Variants in DCC observed in about 807,000 individuals in gnomAD.
DCC encodes DCC netrin 1 receptor.
Under a neutral mutation model 172.5 loss-of-function variants are expected in DCC, and 58 were observed. The observed-to-expected ratio is 0.34, with a 90% CI of 0.27 to 0.42. The LOEUF (loss-of-function observed/expected upper bound fraction) is 0.42, where lower values mean the gene tolerates loss of function less well. Ranked by LOEUF, DCC falls within the 10% of genes least tolerant of loss-of-function variation. The probability of loss-of-function intolerance (pLI) is 1.00; values close to 1 mark genes in which losing one functional copy is unlikely to be tolerated. For missense variants in DCC, 1,740 were observed against 1,791.0 expected, an observed-to-expected ratio of 0.97 and a Z score of 0.51; for synonymous variants, 709 against 644.5, an observed-to-expected ratio of 1.10 and a Z score of -1.52.
chr18:52,986,741 T>C (rs529917276), intron 5 of DCC, among the ~76,000 whole-genome samples: 1 of 152,128 alleles, frequency 6.6e-6, no homozygotes, highest in Non-Finnish European at 1.5e-5. Flanking sequence ...CACACACATA[T>C]ATATACACAC....
chr18:52,646,282 C>CA (rs1048922006), intron 1 of DCC, among the ~76,000 whole-genome samples: 12 of 152,226 alleles, frequency 7.9e-5, no homozygotes, highest in Non-Finnish European at 1.8e-4. Flanking sequence ...CTACATTTTA[C>CA]ATGTATGCAT....
chr18:53,243,950 A>G (rs1334028724), intron 12 of DCC, among the ~76,000 whole-genome samples: 1 of 152,176 alleles, frequency 6.6e-6, no homozygotes, highest in Non-Finnish European at 1.5e-5. Flanking sequence ...GACAAATGCA[A>G]TGCCCTAAAA....
At chr18:52,867,458 C>T (rs1284167770) in intron 2 of DCC, among the ~76,000 whole-genome samples, 1 of 151,412 alleles carries the variant, frequency 6.6e-6, no homozygotes, top group African/African-American at 2.4e-5. Flanking sequence ...GAAATGGTAC[C>T]AGCTCCTCTT....
At chr18:53,400,061 C>G (rs568703912) in intron 18 of DCC, among the ~76,000 whole-genome samples, 1 of 151,916 alleles carries the variant, frequency 6.6e-6, no homozygotes, top group Non-Finnish European at 1.5e-5. Flanking sequence ...TGTCTTTGAG[C>G]GAATTGTGGT....
intron 1 of DCC, among the ~76,000 whole-genome samples, chr18:52,387,047 C>A (rs562996320): frequency 4.6e-5 from 7 of 152,218 alleles, no homozygotes; most frequent in African/African-American, 1.7e-4. Flanking sequence ...TGTTTTATTT[C>A]ATCAGTAGCA....
At chr18:53,019,681 G>A (rs1432609760) in intron 5 of DCC, among the ~76,000 whole-genome samples, 1 of 151,872 alleles carries the variant, frequency 6.6e-6, no homozygotes, top group African/African-American at 2.4e-5. Context: ...TTTTAGACCG[G>A]GAATTGGCAA....
In DCC at chr18:53,261,604, GC is replaced by G. The variant is rs1320209681; in HGVS notation, c.1912-43973del. On this transcript the variant is annotated intron_variant, in intron 12 of 28. Coordinates refer to ENST00000442544, the MANE Select transcript of DCC (RefSeq NM_005215.4). ...GAAAGCTGAGAAGCCAAAGAGAGTG[GC>G]TATCACGCCATTCTCCTGCCTCAGC... Among the ~76,000 whole-genome samples, 3 of 152,200 alleles carry G rather than the reference GC, an allele frequency of 2.0e-5. No homozygotes were observed. The East Asian group carries it at 5.8e-4, about 30-fold the overall frequency.
In DCC at chr18:53,063,361, A is replaced by C; in HGVS notation, c.1042A>C (p.Ile348Leu). ...SNLYAYESMD[I>L]EFECTVSGKP... ...CCTGTATGCCTATGAAAGCATGGAT[A>C]TTGAGTTTGAATGTACAGTCTCTGG... Residue 348 changes from isoleucine (I) to leucine (L), a missense_variant, in exon 6 of 29, where the codon ATT becomes CTT. Coordinates refer to ENST00000442544, the MANE Select transcript of DCC (RefSeq NM_005215.4). 6.2e-7 allele frequency: 1 copy of C among 1,613,270 alleles called. No homozygotes were observed. Among genetic ancestry groups the C allele is most frequent in the Non-Finnish European group, 8.5e-7 (1 of 1,179,458 alleles).
At chr18:52,908,228 G>T (rs1025025793) in intron 3 of DCC, among the ~76,000 whole-genome samples, 1 of 152,156 alleles carries the variant, frequency 6.6e-6, no homozygotes, top group Non-Finnish European at 1.5e-5. Context: ...AAAGTTTCCA[G>T]GTGCTTTAAT....
chr18:52,666,852 T>C (rs2144960175), intron 1 of DCC, among the ~76,000 whole-genome samples: 1 of 152,324 alleles, frequency 6.6e-6, no homozygotes, highest in East Asian at 1.9e-4. Flanking sequence ...AATACTTTTT[T>C]CCCCAGAAAA....
intron 5 of DCC, among the ~76,000 whole-genome samples, chr18:53,011,161 C>A (rs1262492355): frequency 1.3e-5 from 2 of 151,332 alleles, no homozygotes; most frequent in Admixed American, 1.3e-4. Context: ...TAATAATGAA[C>A]GTGATAATGT....
intron 1 of DCC, among the ~76,000 whole-genome samples, chr18:52,478,211 T>C (rs554736540): frequency 3.3e-5 from 5 of 151,504 alleles, no homozygotes; most frequent in African/African-American, 1.2e-4. Flanking sequence ...TTTTTTATGT[T>C]GACATCAGTA....
At chr18:52,797,723 G>T (rs1807707221) in intron 2 of DCC, among the ~76,000 whole-genome samples, 1 of 152,202 alleles carries the variant, frequency 6.6e-6, no homozygotes, top group South Asian at 2.1e-4. Flanking sequence ...CTTATACTCT[G>T]CCCTGTACAA....
chr18:53,341,652 ATGT>A (rs563603114), intron 15 of DCC, among the ~76,000 whole-genome samples: 2 of 152,284 alleles, frequency 1.3e-5, no homozygotes, highest in East Asian at 1.9e-4. Flanking sequence ...AGTAATTAGC[ATGT>A]TGTTGTTCAT....
intron 21 of DCC, among the ~76,000 whole-genome samples, chr18:53,426,894 G>T (rs921119670): frequency 6.6e-6 from 1 of 152,136 alleles, no homozygotes; most frequent in African/African-American, 2.4e-5. Context: ...GGGTGCTCAT[G>T]TTCTAGTGTT....
chr18:53,324,258 G>A (rs2057442585), intron 14 of DCC, among the ~76,000 whole-genome samples: 1 of 152,134 alleles, frequency 6.6e-6, no homozygotes, highest in African/African-American at 2.4e-5. Context: ...GCTAGAAAAA[G>A]TCACATTTCA....
intron 14 of DCC, among the ~76,000 whole-genome samples, chr18:53,327,388 G>T (rs530292378): frequency 6.6e-6 from 1 of 152,162 alleles, no homozygotes; most frequent in East Asian, 1.9e-4. Flanking sequence ...GAGAGAATTT[G>T]TGATAGAGTG....
chr18:52,650,000 T>C (rs1357602966), intron 1 of DCC, among the ~76,000 whole-genome samples: 2 of 126,416 alleles, frequency 1.6e-5, no homozygotes, highest in African/African-American at 6.1e-5. Context: ...TTTTTTGAGA[T>C]GGAGTATCGC....
At chr18:52,464,851 C>T (rs1169035618) in intron 1 of DCC, among the ~76,000 whole-genome samples, 2 of 151,868 alleles carry the variant, frequency 1.3e-5, no homozygotes, top group Admixed American at 6.6e-5. Flanking sequence ...CCTGCCTGTG[C>T]CATAGCTGAC....
Sources: allele counts gnomAD v4.1 joint callset (sites outside exome capture counted in the v4.1 genomes callset), GRCh38; gene constraint gnomAD v4.1.1; transcripts MANE v1.5; gene names NCBI Gene and HGNC (gene_info 2026-07-23, HGNC 2026-07-21).